Variants in CLIP2 observed in about 807,000 individuals in gnomAD.
CLIP2 encodes the protein CAP-Gly domain-containing linker protein 2.
Under a neutral mutation model 111.7 loss-of-function variants are expected in CLIP2, and 41 were observed. The ratio of observed to expected loss-of-function variants is 0.37; its 90% CI spans 0.29 to 0.48. The LOEUF (loss-of-function observed/expected upper bound fraction) is 0.48, where lower values mean the gene tolerates loss of function less well. Ranked by LOEUF, CLIP2 falls within the 20% of genes least tolerant of loss-of-function variation. CLIP2 has a pLI of 0.99. For synonymous variants in CLIP2, 660 were observed against 644.2 expected (o/e 1.02, Z -0.37); for missense variants, 1,160 against 1,422.1 (o/e 0.82, Z 2.96).
rs888870284 is a variant in CLIP2 at position 74,338,563 on chromosome 7, T to C, written c.237T>C (p.Phe79=). 3.0e-5 allele frequency: 47 copies of C among 1,586,014 alleles called. No individual in the cohort carries two copies. Among genetic ancestry groups the C allele is most frequent in the Non-Finnish European group, 3.9e-5 (46 of 1,167,608 alleles). ...AEVGDDFLGD[F]VVGERVWVNG... is the part of the protein sequence containing the mutation. Reference sequence around the variant, plus strand: ...TGGGGGATGACTTCCTGGGGGACTTTGTGGTGGGCGAGCGGGTGTGGGTGA... The same window carrying C: ...TGGGGGATGACTTCCTGGGGGACTTCGTGGTGGGCGAGCGGGTGTGGGTGA... The change falls in exon 3 of 17, where the codon TTT becomes TTC. Residue 79 remains phenylalanine (F), a synonymous_variant. Transcript: ENST00000223398. This position sits in a 1 kb window ranked among gnomAD's most constrained non-coding sequence, Gnocchi z 4.3.
Position 74,392,758 on chromosome 7 carries a change from C to T in CLIP2, c.2720+3499C>T, listed in dbSNP as rs563979270. ...CACTTGAACTAGGAGGTGGAGGTTG[C>T]AGTGAGCCAAGATCGTGCCATTGCA... is the stretch of plus-strand genomic sequence containing the variant. On this transcript the variant is annotated intron_variant, in intron 13 of 16. Coordinates refer to ENST00000223398, the MANE Select transcript of CLIP2 (RefSeq NM_003388.5). 7.3e-5 allele frequency among the ~76,000 whole-genome samples: 11 copies of T among 151,358 alleles called. No homozygotes were observed. In the South Asian group the frequency reaches 2.3e-3, roughly 32 times the overall value.
At position 74,338,118 on chromosome 7, in the gene CLIP2, C is replaced by T. The variant is rs1789529505; in HGVS notation, c.122-330C>T. Among the ~76,000 whole-genome samples, 5 of 152,086 alleles carry T rather than the reference C, an allele frequency of 3.3e-5. No homozygotes were observed. In the South Asian group the frequency reaches 1.0e-3, roughly 32 times the overall value. Reference sequence around the variant, plus strand: ...CTCGGGAGGCTGAGGTAGAGGATTGCTGGAGCCCAGGAAGTCAAGACTGCA... The same window carrying T: ...CTCGGGAGGCTGAGGTAGAGGATTGTTGGAGCCCAGGAAGTCAAGACTGCA... On this transcript the variant is annotated intron_variant, in intron 2 of 16. Transcript: ENST00000223398. The surrounding 1 kb of genome is among the most constrained non-coding windows in gnomAD (Gnocchi z 4.3).
At chr7:74,308,714 G>A (rs947997286) in intron 1 of CLIP2, among the ~76,000 whole-genome samples, 6 of 151,840 alleles carry the variant, frequency 4.0e-5, no homozygotes, top group African/African-American at 9.7e-5. Flanking sequence ...CACGTTGGCC[G>A]GGCTGGTCTC....
At chr7:74,332,199 G>A (rs868971729) in intron 2 of CLIP2, among the ~76,000 whole-genome samples, 2 of 151,742 alleles carry the variant, frequency 1.3e-5, no homozygotes, top group Non-Finnish European at 2.9e-5. Context: ...TCAGCCTCTC[G>A]AGTAGCTGGG....
intron 14 of CLIP2, among the ~76,000 whole-genome samples, chr7:74,399,777 T>A (rs1791566778): frequency 6.6e-6 from 1 of 151,812 alleles, no homozygotes; most frequent in South Asian, 2.1e-4. Context: ...TGACCTCAGG[T>A]GATCTGCCTG....
At chr7:74,383,080 C>CAAG (rs1424228693) in intron 11 of CLIP2, among the ~76,000 whole-genome samples, 2 of 61,234 alleles carry the variant, frequency 3.3e-5, no homozygotes, top group African/African-American at 1.1e-4. Flanking sequence ...ACCCTGTCAC[C>CAAG]AAAAAAAAAA....
chr7:74,375,546 CAAAAAAAA>C (rs34885959), intron 9 of CLIP2, among the ~76,000 whole-genome samples: 4 of 33,160 alleles, frequency 1.2e-4, no homozygotes, highest in East Asian at 2.0e-3. Context: ...GAGCGAGACT[CAAAAAAAA>C]AAAAAAAAAA....
chr7:74,388,497 CAAA>C (rs879977310), intron 12 of CLIP2, among the ~76,000 whole-genome samples: 176 of 128,264 alleles, frequency 1.4e-3, no homozygotes, highest in African/African-American at 5.0e-3. Flanking sequence ...GACTCCGTCT[CAAA>C]AAAAAAAAAA....
intron 13 of CLIP2, among the ~76,000 whole-genome samples, chr7:74,390,177 G>GAA (rs1355867932): frequency 4.2e-5 from 3 of 71,398 alleles, no homozygotes; most frequent in Non-Finnish European, 6.7e-5. Flanking sequence ...AAGAAAGAAA[G>GAA]AAAGAAAGAA....
Position 74,317,593 on chromosome 7 carries a change from A to C in CLIP2, c.47A>C (p.His16Pro), listed in dbSNP as rs1584320487. Residue 16 changes from histidine to proline, a missense_variant, in exon 2 of 17, where the codon CAC becomes CCC. Coordinates refer to ENST00000223398, the MANE Select transcript of CLIP2 (RefSeq NM_003388.5). ...AAGCCCCCCGGCCGTGGGGGGAAGC[A>C]CTCCAGCCCCATGGGCCGGACATCT... The part of the protein sequence containing the change: ...GLKPPGRGGK[H>P]SSPMGRTSTG... The C allele has an allele frequency of 6.7e-7, 1 of 1,501,612 alleles. No homozygotes were observed. The highest frequency in any genetic ancestry group is 8.9e-7 in the Non-Finnish European group (1 of 1,118,980). The allele number at this position is 1,501,612 out of a possible 1,614,324, so 93.0% of individuals were successfully genotyped here. A position where few individuals can be genotyped will look rare whatever the true frequency, so the allele number is the denominator to read the frequency against.
Position 74,364,309 on chromosome 7 carries a change from C to T in CLIP2, c.1374C>T (p.Asp458=), listed in dbSNP as rs1790415199. The change falls in exon 8 of 17, where the codon GAC becomes GAT. Residue 458 remains aspartate, a synonymous_variant. Transcript: ENST00000223398. The part of the protein sequence containing the change: ...RVEEESITKG[D]LETQTQLEHA... ...AGGAGGAGTCCATCACCAAGGGAGA[C>T]CTGGAGGTAACAGTCAGAGGCCCCT... The T allele has an allele frequency of 6.2e-7, 1 of 1,613,384 alleles. No individual in the cohort carries two copies. Among genetic ancestry groups the T allele is most frequent in the Non-Finnish European group, 8.5e-7 (1 of 1,179,692 alleles).
At chr7:74,305,873 T>A in intron 1 of CLIP2, among the ~76,000 whole-genome samples, 1 of 33,766 alleles carries the variant, frequency 3.0e-5, no homozygotes, top group African/African-American at 1.5e-4. Flanking sequence ...CCACCGCCCC[T>A]GCTGCCAGTT....
At chr7:74,304,509 G>A (rs1788422994) in intron 1 of CLIP2, among the ~76,000 whole-genome samples, 1 of 150,690 alleles carries the variant, frequency 6.6e-6, no homozygotes, top group Non-Finnish European at 1.5e-5. Context: ...CTGGGTGACA[G>A]AGGGAGACTC....
intron 3 of CLIP2, among the ~76,000 whole-genome samples, chr7:74,351,426 C>CAAA (rs55952428): frequency 1.1e-4 from 7 of 65,808 alleles, no homozygotes; most frequent in Admixed American, 5.2e-4. Context: ...ATTCCAGTGT[C>CAAA]AAAAAAAAAA....
At position 74,405,663 on chromosome 7, in the gene CLIP2, TTAGTC is replaced by T. The variant is rs1267659333; in HGVS notation, c.*1818_*1822del. ...TCTGCCCCATCGGTAGGGGCACCGA[TTAGTC>T]TACTAACAGCCAGAGGTCCATCTAG... On this transcript the variant is annotated 3_prime_UTR_variant, in exon 17 of 17. Transcript: ENST00000223398. The T allele has an allele frequency of 6.6e-6, 1 of 152,622 alleles. No homozygotes were observed. Among genetic ancestry groups the T allele is most frequent in the Non-Finnish European group, 1.5e-5 (1 of 68,062 alleles). The allele number at this position is 152,622 out of a possible 1,614,324, so 9.5% of individuals were successfully genotyped here.
In CLIP2 at chr7:74,403,296, C is replaced by T. The variant is rs112191268; in HGVS notation, c.3130-541C>T. ...TTTGTAAAACCTGCTTCTGGCTGGG[C>T]GCAGTGGCTCATGCCTGTAATCCCA... On this transcript the variant is annotated intron_variant, in intron 16 of 16. Coordinates refer to ENST00000223398, the MANE Select transcript of CLIP2 (RefSeq NM_003388.5). Among the ~76,000 whole-genome samples the T allele has an allele frequency of 7.4e-3, 1,114 of 151,394 alleles. 11 individuals are homozygous for T. The highest frequency in any genetic ancestry group is 0.024 in the African/African-American group (994 of 41,264).
At chr7:74,354,383 G>T (rs1280691245) in intron 4 of CLIP2, among the ~76,000 whole-genome samples, 1 of 152,084 alleles carries the variant, frequency 6.6e-6, no homozygotes, top group Non-Finnish European at 1.5e-5. Context: ...GGAGGCTGAG[G>T]CAGGTGGATC....
intron 6 of CLIP2, among the ~76,000 whole-genome samples, chr7:74,357,859 C>T (rs1481232800): frequency 1.3e-5 from 2 of 150,980 alleles, no homozygotes; most frequent in East Asian, 1.9e-4. Context: ...TCGGTTCAAG[C>T]GATTCTCCTG....
intron 8 of CLIP2, among the ~76,000 whole-genome samples, chr7:74,371,243 C>CAAA (rs781898485): frequency 0.016 from 981 of 60,916 alleles, 14 homozygotes; most frequent in Middle Eastern, 0.027. Flanking sequence ...AACTATGCCT[C>CAAA]AAAAAAAAAA....
Sources: allele counts gnomAD v4.1 joint callset (sites outside exome capture counted in the v4.1 genomes callset), GRCh38; gene constraint gnomAD v4.1.1; non-coding constraint Gnocchi (gnomAD v3.1); transcripts MANE v1.5; gene names NCBI Gene and HGNC (gene_info 2026-07-23, HGNC 2026-07-21).